SHC3: variants seen among roughly 807,000 people sequenced by gnomAD.
SHC3 encodes SHC adaptor protein 3, also known as SHC-transforming protein 3.
In SHC3, 15 loss-of-function variants were observed where a neutral mutation model predicts 60.4. That is an observed-to-expected ratio of 0.25 (90% CI 0.17 to 0.38). The LOEUF is 0.38. SHC3 is among the 10% of genes least tolerant of loss of function. The pLI is 1.00. For missense variants in SHC3, 677 were observed against 786.1 expected (o/e 0.86, Z 1.66); for synonymous variants, 294 against 325.9 (o/e 0.90, Z 1.05).
At chr9:89,040,264 G>GCACCATCATCACCATCAC (rs1824666552) in intron 10 of SHC3, among the ~76,000 whole-genome samples, 2 of 3,810 alleles carry the variant, frequency 5.2e-4, no homozygotes, top group Non-Finnish European at 1.1e-3. Context: ...ATTACCATCA[G>GCACCATCATCACCATCAC]CAGCAGCACC....
chr9:89,176,798 C>T (rs1377907953), intron 1 of SHC3, among the ~76,000 whole-genome samples: 1 of 152,162 alleles, frequency 6.6e-6, no homozygotes, highest in Non-Finnish European at 1.5e-5. Context: ...ACAATGGCCA[C>T]ATTCATCTGT....
intron 1 of SHC3, among the ~76,000 whole-genome samples, chr9:89,113,551 C>A (rs1825980661): frequency 6.6e-6 from 1 of 152,128 alleles, no homozygotes; most frequent in Non-Finnish European, 1.5e-5. Flanking sequence ...TGGAGGCTGG[C>A]TTTGTCATAT....
At chr9:89,040,876 T>C (rs561329460) in intron 10 of SHC3, among the ~76,000 whole-genome samples, 3 of 152,360 alleles carry the variant, frequency 2.0e-5, no homozygotes, top group South Asian at 4.1e-4. Context: ...GTTGTTTTCA[T>C]GAGGCTGCCT....
intron 10 of SHC3, among the ~76,000 whole-genome samples, chr9:89,038,892 G>C (rs1215958336): frequency 6.6e-6 from 1 of 152,168 alleles, no homozygotes; most frequent in African/African-American, 2.4e-5. Flanking sequence ...TTTCCCTGTG[G>C]AACGAGGCTC....
intron 8 of SHC3, among the ~76,000 whole-genome samples, chr9:89,046,239 A>C (rs1824773531): frequency 6.6e-6 from 1 of 152,022 alleles, no homozygotes; most frequent in Non-Finnish European, 1.5e-5. Flanking sequence ...TAAACCAGGA[A>C]ATTTCCTTCA....
chr9:89,050,500 G>C (rs1824845120), intron 7 of SHC3, among the ~76,000 whole-genome samples: 1 of 152,150 alleles, frequency 6.6e-6, no homozygotes, highest in Non-Finnish European at 1.5e-5. Context: ...TGGCCAGGCT[G>C]GTCTTGAACT....
chr9:89,158,692 C>T (rs1051440968), intron 1 of SHC3, among the ~76,000 whole-genome samples: 3 of 152,212 alleles, frequency 2.0e-5, no homozygotes, highest in Non-Finnish European at 1.5e-5. Flanking sequence ...CTTGTGATTG[C>T]TTCTGTTACA....
At chr9:89,085,389 G>T (rs1825511864) in intron 2 of SHC3, among the ~76,000 whole-genome samples, 1 of 152,198 alleles carries the variant, frequency 6.6e-6, no homozygotes, top group Non-Finnish European at 1.5e-5. Flanking sequence ...CCTCAGCCAA[G>T]GCAGTCAGAC....
chr9:89,044,023 T>TTCA (rs1169791051), intron 9 of SHC3, among the ~76,000 whole-genome samples: 1 of 152,110 alleles, frequency 6.6e-6, no homozygotes, highest in Non-Finnish European at 1.5e-5. Flanking sequence ...AGGCCAGGAG[T>TTCA]TCATTCTGCG....
chr9:89,146,966 T>C (rs1213669039), intron 1 of SHC3, among the ~76,000 whole-genome samples: 1 of 152,194 alleles, frequency 6.6e-6, no homozygotes, highest in Non-Finnish European at 1.5e-5. Context: ...AATTAACCCG[T>C]ATGTCCACCA....
chr9:89,163,905 C>T (rs762951179), intron 1 of SHC3, among the ~76,000 whole-genome samples: 30 of 151,902 alleles, frequency 2.0e-4, no homozygotes, highest in Non-Finnish European at 3.2e-4. Flanking sequence ...CTTCTTGCTG[C>T]ATTCTTACAT....
At chr9:89,058,740 G>A (rs1458559029) in intron 6 of SHC3, among the ~76,000 whole-genome samples, 1 of 141,314 alleles carries the variant, frequency 7.1e-6, no homozygotes, top group Non-Finnish European at 1.5e-5. Flanking sequence ...ACATGGTGAA[G>A]GGCGGTGGTG....
At chr9:89,030,428 A>G (rs1824468112) in intron 11 of SHC3, among the ~76,000 whole-genome samples, 1 of 152,252 alleles carries the variant, frequency 6.6e-6, no homozygotes, top group South Asian at 2.1e-4. Flanking sequence ...TATACATGCT[A>G]ACCTATTTGA....
At chr9:89,131,150 A>C (rs573037938) in intron 1 of SHC3, among the ~76,000 whole-genome samples, 1 of 152,304 alleles carries the variant, frequency 6.6e-6, no homozygotes, top group South Asian at 2.1e-4. Context: ...ATAAACTAAA[A>C]AATCTAGGAG....
At position 89,013,141 on chromosome 9, in the gene SHC3, CTTAT is replaced by C; in HGVS notation, c.*302_*305del. The C allele has an allele frequency of 1.2e-5, 2 of 168,190 alleles. No homozygotes were observed. Among genetic ancestry groups the C allele is most frequent in the Non-Finnish European group, 2.4e-5 (2 of 82,926 alleles). 10.4% of individuals were successfully genotyped at this position (168,190 alleles called of 1,614,324 possible). On this transcript the variant is annotated 3_prime_UTR_variant, in exon 12 of 12. Transcript: ENST00000375835. The stretch of plus-strand genomic sequence containing the variant: ...TTTTGCCTGGACAACTACAGTTAAA[CTTAT>C]TTTTTTTTTTCATTAAAAACATACA...
intron 11 of SHC3, among the ~76,000 whole-genome samples, chr9:89,033,235 G>A (rs1052964891): frequency 6.6e-6 from 1 of 152,088 alleles, no homozygotes. Context: ...ATGTTATTAG[G>A]AGTACACAGC....
chr9:89,132,011 C>G (rs973622775), intron 1 of SHC3, among the ~76,000 whole-genome samples: 1 of 152,184 alleles, frequency 6.6e-6, no homozygotes, highest in Admixed American at 6.5e-5. Flanking sequence ...TAGAAAACCC[C>G]ATCGTCTCAG....
In SHC3 at chr9:89,038,010, C is replaced by A; in HGVS notation, c.1639G>T (p.Val547Leu). ...HNGQAKHLLL[V>L]DPEGTIRTKD... ...GTGCTCACCGTGCCTTCTGGGTCCA[C>A]GAGCAGCAGGTGCTTGGCCTGGCCA... Residue 547 changes from valine to leucine, a missense_variant, in exon 11 of 12, where the codon GTG becomes TTG. By Grantham distance (32) the Val-to-Leu change is conservative. Coordinates refer to ENST00000375835, the MANE Select transcript of SHC3 (RefSeq NM_016848.6). The A allele has an allele frequency of 6.2e-7, 1 of 1,609,930 alleles. No individual in the cohort carries two copies. The highest frequency in any genetic ancestry group is 1.1e-5 in the South Asian group (1 of 91,074).
At chr9:89,088,541 AAC>A (rs1486804793) in intron 2 of SHC3, 1 of 152,252 alleles carries the variant, frequency 6.6e-6, no homozygotes, top group Non-Finnish European at 1.5e-5. Context: ...AAAGATGAAA[AAC>A]ACAGAATACA....
Sources: allele counts gnomAD v4.1 joint callset (sites outside exome capture counted in the v4.1 genomes callset), GRCh38; gene constraint gnomAD v4.1.1; transcripts MANE v1.5; gene names NCBI Gene and HGNC (gene_info 2026-07-23, HGNC 2026-07-21).